Variants in LMNTD1 observed in about 807,000 individuals in gnomAD.
LMNTD1 encodes lamin tail domain containing 1.
A neutral mutation model predicts 50.9 loss-of-function variants in LMNTD1; 35 were observed. That is an observed-to-expected ratio of 0.69 (90% CI 0.53 to 0.91). LMNTD1 has a LOEUF of 0.91. Ranked by LOEUF, LMNTD1 falls within the 40% of genes least tolerant of loss-of-function variation. The pLI, the probability that LMNTD1 is intolerant of heterozygous loss-of-function variation, is 0.00. For missense variants in LMNTD1, 470 were observed against 475.5 expected, an observed-to-expected ratio of 0.99 and a Z score of 0.11; for synonymous variants, 153 against 161.9, an observed-to-expected ratio of 0.94 and a Z score of 0.42.
At position 25,583,014 on chromosome 12, in the gene LMNTD1, A is replaced by ATT. The variant is rs34107463; in HGVS notation, c.59-36462_59-36461dup. 1.2e-4 allele frequency among the ~76,000 whole-genome samples: 16 copies of ATT among 135,432 alleles called. No homozygotes were observed. The East Asian group carries it at 1.5e-3, about 13-fold the overall frequency. The allele number at this position is 135,432 out of a possible 152,430, so 88.8% of individuals were successfully genotyped here. ...AGGTTCGTGACACCATGCCTGGATAATTTTTTTTTTTTTTTTTGAGACGGA... is the reference window on the plus strand; with the variant it reads ...AGGTTCGTGACACCATGCCTGGATAATTTTTTTTTTTTTTTTTTTGAGACGGA... On this transcript the variant is annotated intron_variant, in intron 1 of 7. Coordinates refer to the LMNTD1 transcript ENST00000445693.
intron 9 of LMNTD1, among the ~76,000 whole-genome samples, chr12:25,480,968 A>G (rs1256167083): frequency 6.6e-6 from 1 of 152,184 alleles, no homozygotes; most frequent in African/African-American, 2.4e-5. Context: ...TTTATTTCAC[A>G]AGGCTCTACA....
intron 4 of LMNTD1, among the ~76,000 whole-genome samples, chr12:25,536,864 G>T (rs1408382738): frequency 6.6e-6 from 1 of 152,256 alleles, no homozygotes; most frequent in Non-Finnish European, 1.5e-5. Flanking sequence ...AGGTCAGTGG[G>T]TGCACGCACC....
chr12:25,570,673 G>A (rs1020822959), intron 1 of LMNTD1, among the ~76,000 whole-genome samples: 1 of 152,158 alleles, frequency 6.6e-6, no homozygotes, highest in African/African-American at 2.4e-5. Context: ...TGAACACCAG[G>A]CCTAGGAGTT....
intron 1 of LMNTD1, among the ~76,000 whole-genome samples, chr12:25,619,079 T>A (rs1277828546): frequency 6.6e-6 from 1 of 152,140 alleles, no homozygotes; most frequent in Non-Finnish European, 1.5e-5. Context: ...GACATTTAGA[T>A]CATTTTCAAT....
rs34074522 is a variant in LMNTD1, at chr12:25,519,943, C to T, written c.931G>A (p.Ala311Thr). 5,011 of 1,612,936 alleles carry T rather than the reference C, an allele frequency of 3.1e-3. 148 individuals carry two copies. The African/African-American group carries it at 0.059, about 19-fold the overall frequency. ...KRVFQWTAST[A>T]TITKEKQDQP... ...TCTTGTTTTTCTTTAGTTATTGTAG[C>T]TGTAGATGCTGTCCACTGAAACACA... Residue 311 changes from alanine (A) to threonine (T), a missense_variant, in exon 7 of 10, where the codon GCT becomes ACT. Ala to Thr is a moderately conservative substitution (Grantham distance 58, BLOSUM62 0). Coordinates refer to ENST00000458174, the MANE Select transcript of LMNTD1 (RefSeq NM_001145728.2).
chr12:25,495,657 G>A (rs925080853), intron 9 of LMNTD1, among the ~76,000 whole-genome samples: 1 of 152,114 alleles, frequency 6.6e-6, no homozygotes, highest in African/African-American at 2.4e-5. Flanking sequence ...TATAATGCCT[G>A]AATAGTCCTG....
intron 2 of LMNTD1, among the ~76,000 whole-genome samples, chr12:25,552,581 G>GA (rs55848800): frequency 0.041 from 2,398 of 58,142 alleles, 90 homozygotes; most frequent in African/African-American, 0.057. Context: ...CACTCTGTCT[G>GA]AAAAAAAAAA....
At chr12:25,510,313 AC>A (rs1022133810) in intron 8 of LMNTD1, among the ~76,000 whole-genome samples, 1 of 151,722 alleles carries the variant, frequency 6.6e-6, no homozygotes, top group Non-Finnish European at 1.5e-5. Context: ...TCAATATAGA[AC>A]TCAGGATTAG....
chr12:25,597,707 C>T (rs80169866), intron 1 of LMNTD1, among the ~76,000 whole-genome samples: 369 of 152,248 alleles, frequency 2.4e-3, no homozygotes, highest in Admixed American at 4.8e-3. Flanking sequence ...TTATTTTCTT[C>T]AGCACATGGA....
At chr12:25,610,062 T>G (rs1375050874) in intron 1 of LMNTD1, among the ~76,000 whole-genome samples, 1 of 152,182 alleles carries the variant, frequency 6.6e-6, no homozygotes, top group African/African-American at 2.4e-5. Flanking sequence ...CGGACGCCCC[T>G]TCCCCAGCCA....
intron 3 of LMNTD1, among the ~76,000 whole-genome samples, chr12:25,547,646 G>A (rs994134050): frequency 2.0e-5 from 3 of 151,620 alleles, no homozygotes; most frequent in African/African-American, 7.3e-5. Flanking sequence ...GAAAAAAAAA[G>A]CATTTGGAAT....
intron 4 of LMNTD1, among the ~76,000 whole-genome samples, chr12:25,536,593 G>C (rs374551543): frequency 6.6e-5 from 10 of 152,134 alleles, no homozygotes; most frequent in East Asian, 3.8e-4. Context: ...GCTGTACTTA[G>C]AGGAAAGTTT....
chr12:25,526,060 T>TAA, intron 6 of LMNTD1, 39 bp downstream of exon 6: 3 of 1,480,094 alleles, frequency 2.0e-6, no homozygotes, highest in Non-Finnish European at 1.8e-6. Context: ...AGCACAATAT[T>TAA]TAAAAAAAAA....
intron 4 of LMNTD1, among the ~76,000 whole-genome samples, chr12:25,533,592 G>T (rs1425268301): frequency 6.6e-6 from 1 of 152,106 alleles, no homozygotes; most frequent in Non-Finnish European, 1.5e-5. Context: ...ATAGGTGTTT[G>T]TAGTTGGGGA....
intron 1 of LMNTD1, among the ~76,000 whole-genome samples, chr12:25,625,491 T>G (rs141991338): frequency 6.6e-6 from 1 of 152,124 alleles, no homozygotes; most frequent in Non-Finnish European, 1.5e-5. Context: ...ATCTATGATG[T>G]CAGGGTGGTC....
intron 6 of LMNTD1, among the ~76,000 whole-genome samples, chr12:25,523,360 A>G (rs1041586445): frequency 6.6e-6 from 1 of 152,148 alleles, no homozygotes; most frequent in African/African-American, 2.4e-5. Context: ...GACCCATAAT[A>G]TAACTTCTCT....
In LMNTD1 at chr12:25,489,304, A is replaced by G. The variant is rs1474756895; in HGVS notation, c.*23-12844T>C. ...GATTCCGTGGGCGTAGGACCCTCCG[A>G]GCCAGGTGTGGGATATAGTCTGGTG... On this transcript the variant is annotated intron_variant, in intron 9 of 9. Coordinates refer to ENST00000458174, the MANE Select transcript of LMNTD1 (RefSeq NM_001145728.2). Among the ~76,000 whole-genome samples, 2 of 149,932 alleles carry G rather than the reference A, an allele frequency of 1.3e-5. 1 individual carries two copies. Among genetic ancestry groups the G allele is most frequent in the Non-Finnish European group, 3.0e-5 (2 of 67,388 alleles).
chr12:25,514,527 C>T (rs1349393549), intron 8 of LMNTD1, among the ~76,000 whole-genome samples: 4 of 143,876 alleles, frequency 2.8e-5, no homozygotes, highest in East Asian at 2.1e-4. Flanking sequence ...GGGGGATTTG[C>T]AGGGCAGGGA....
At position 25,489,500 on chromosome 12, in the gene LMNTD1, C is replaced by T. The variant is rs956662826; in HGVS notation, c.*23-13040G>A. On this transcript the variant is annotated intron_variant, in intron 9 of 9. Transcript: ENST00000458174. ...CCTGCTTTGGCTCGCGCACGGTGCG[C>T]GCACCCGCTGACCTGCGCCCACTGT... Among the ~76,000 whole-genome samples the T allele has an allele frequency of 1.9e-4, 27 of 139,906 alleles. 2 individuals carry two copies. The highest frequency in any genetic ancestry group is 6.9e-4 in the South Asian group (3 of 4,336). 91.8% of individuals were successfully genotyped at this position (139,906 alleles called of 152,430 possible). A position where few individuals can be genotyped will look rare whatever the true frequency, so the allele number is the denominator to read the frequency against.
Sources: allele counts gnomAD v4.1 joint callset (sites outside exome capture counted in the v4.1 genomes callset), GRCh38; gene constraint gnomAD v4.1.1; transcripts MANE v1.5; gene names NCBI Gene and HGNC (gene_info 2026-07-23, HGNC 2026-07-21).